The following ERC1 variants were observed in gnomAD, a reference collection of about 807,000 sequenced individuals.
ERC1 encodes ELKS/RAB6-interacting/CAST family member 1.
ERC1 carries 56 observed loss-of-function variants against 132.0 expected under a neutral mutation model. The ratio of observed to expected loss-of-function variants is 0.42; its 90% confidence interval spans 0.34 to 0.53. The LOEUF is 0.53. Ranked by LOEUF, ERC1 falls within the 20% of genes least tolerant of loss-of-function variation. The pLI is 0.03. For missense variants in ERC1, 1,202 were observed against 1,349.9 expected, an observed-to-expected ratio of 0.89 and a Z score of 1.72; for synonymous variants, 478 against 476.1, an observed-to-expected ratio of 1.00 and a Z score of -0.05.
chr12:1,236,214 G>A (rs999878183), intron 12 of ERC1, among the ~76,000 whole-genome samples: 1 of 152,028 alleles, frequency 6.6e-6, no homozygotes, highest in Non-Finnish European at 1.5e-5. Flanking sequence ...ATTAATGGAG[G>A]ATAGACCAAT....
At chr12:1,318,706 T>C (rs61913079) in intron 15 of ERC1, among the ~76,000 whole-genome samples, 31,755 of 152,068 alleles carry the variant, frequency 0.21, 3,853 homozygotes, top group Non-Finnish European at 0.27. Flanking sequence ...GACAGAAAAG[T>C]GAAACCCTGC....
Position 1,185,733 on chromosome 12 carries a change from T to TG in ERC1, c.2157+2312_2157+2313insG, listed in dbSNP as rs1243755528. On this transcript the variant is annotated intron_variant, in intron 11 of 18. Coordinates refer to ENST00000360905, the MANE Select transcript of ERC1 (RefSeq NM_178040.4). ...TCCCGAAATAGGAACTCTAGGTTGT[T>TG]TTTTTTTTTTTTTAATTTATATTGA... Among the ~76,000 whole-genome samples the TG allele has an allele frequency of 5.1e-5, 7 of 136,406 alleles. No homozygotes were observed. In the South Asian group the frequency reaches 1.1e-3, roughly 21 times the overall value. The allele number at this position is 136,406 out of a possible 152,430, so 89.5% of individuals were successfully genotyped here.
At chr12:1,315,618 G>C (rs1051877264) in intron 15 of ERC1, among the ~76,000 whole-genome samples, 3 of 152,076 alleles carry the variant, frequency 2.0e-5, no homozygotes, top group Non-Finnish European at 4.4e-5. Flanking sequence ...CGAGGTGGGC[G>C]GATCTACAGG....
At chr12:1,010,142 C>T (rs748527116) in intron 1 of ERC1, among the ~76,000 whole-genome samples, 2 of 152,032 alleles carry the variant, frequency 1.3e-5, no homozygotes, top group African/African-American at 2.4e-5. Context: ...TTCAGAGAAG[C>T]GTGGTAACCG....
chr12:1,436,120 C>T (rs2092940237), intron 17 of ERC1, among the ~76,000 whole-genome samples: 2 of 151,796 alleles, frequency 1.3e-5, no homozygotes, highest in African/African-American at 4.9e-5. Flanking sequence ...ACTGCCTCTG[C>T]CTGCTCCCCC....
At chr12:1,180,461 A>C in intron 8 of ERC1, 79 bp from the exon 9 acceptor site, 2 of 1,364,990 alleles carry the variant, frequency 1.5e-6, no homozygotes, top group South Asian at 2.5e-5. Context: ...ATCTGTTTTC[A>C]AATTGAAATG....
intron 15 of ERC1, among the ~76,000 whole-genome samples, chr12:1,359,532 G>A (rs900161207): frequency 6.6e-6 from 1 of 152,152 alleles, no homozygotes; most frequent in African/African-American, 2.4e-5. Flanking sequence ...AGGGCAAAGA[G>A]GGTAAGAGAA....
At chr12:1,414,486 T>C (rs1248542928) in intron 17 of ERC1, among the ~76,000 whole-genome samples, 1 of 152,192 alleles carries the variant, frequency 6.6e-6, no homozygotes, top group Non-Finnish European at 1.5e-5. Flanking sequence ...GATTAGGGTT[T>C]CAACATATGA....
chr12:1,258,603 T>G (rs900544257), intron 13 of ERC1, among the ~76,000 whole-genome samples: 1 of 145,922 alleles, frequency 6.9e-6, no homozygotes, highest in African/African-American at 2.4e-5. Context: ...CAACTGTCAC[T>G]TCTTCAACTC....
chr12:1,387,787 A>G (rs1447818985), intron 16 of ERC1, among the ~76,000 whole-genome samples: 1 of 152,182 alleles, frequency 6.6e-6, no homozygotes, highest in Non-Finnish European at 1.5e-5. Context: ...GAGTAAATTT[A>G]TGTTGTGTTT....
chr12:1,124,734 T>A (rs1947956861), intron 7 of ERC1, among the ~76,000 whole-genome samples: 1 of 152,000 alleles, frequency 6.6e-6, no homozygotes, highest in African/African-American at 2.4e-5. Context: ...CTCTTACAGA[T>A]GATAAAGGAG....
At chr12:1,020,076 A>G (rs1966112513) in intron 1 of ERC1, among the ~76,000 whole-genome samples, 1 of 152,096 alleles carries the variant, frequency 6.6e-6, no homozygotes. Flanking sequence ...TCATATTGTG[A>G]TCCAATATGC....
intron 3 of ERC1, among the ~76,000 whole-genome samples, chr12:1,084,626 T>TTGA (rs1244579047): frequency 2.6e-5 from 4 of 152,104 alleles, no homozygotes; most frequent in Non-Finnish European, 4.4e-5. Flanking sequence ...CTCAAAGTAT[T>TTGA]GTTACCTAGT....
intron 1 of ERC1, among the ~76,000 whole-genome samples, chr12:1,009,350 A>G (rs1964292365): frequency 6.6e-6 from 1 of 151,842 alleles, no homozygotes; most frequent in Non-Finnish European, 1.5e-5. Flanking sequence ...AATTTTTTGT[A>G]TTTTTAGTAG....
intron 8 of ERC1, among the ~76,000 whole-genome samples, chr12:1,179,390 C>A (rs544874553): frequency 3.9e-4 from 60 of 152,062 alleles, no homozygotes; most frequent in Middle Eastern, 3.4e-3. Context: ...ATAATAAAAT[C>A]TGTGCTCCTT....
intron 1 of ERC1, among the ~76,000 whole-genome samples, chr12:1,004,042 G>C (rs1267615726): frequency 6.6e-6 from 1 of 152,120 alleles, no homozygotes; most frequent in Non-Finnish European, 1.5e-5. Context: ...AGCTTCTAAG[G>C]AAGATAGGGA....
At chr12:1,193,486 A>C (rs1334939009) in intron 12 of ERC1, among the ~76,000 whole-genome samples, 2 of 151,998 alleles carry the variant, frequency 1.3e-5, no homozygotes, top group Non-Finnish European at 2.9e-5. Context: ...ATATACACAC[A>C]TATATAAACA....
At chr12:1,314,341 T>C (rs1366652647) in intron 15 of ERC1, among the ~76,000 whole-genome samples, 1 of 152,104 alleles carries the variant, frequency 6.6e-6, no homozygotes, top group Non-Finnish European at 1.5e-5. Flanking sequence ...GCCTCACTTA[T>C]GACAAAAGAA....
chr12:1,366,289 G>A (rs1277404848), intron 15 of ERC1, among the ~76,000 whole-genome samples: 1 of 152,164 alleles, frequency 6.6e-6, no homozygotes, highest in Non-Finnish European at 1.5e-5. Flanking sequence ...AATCAATTTT[G>A]AAGAGGTAAA....
Sources: allele counts gnomAD v4.1 joint callset (sites outside exome capture counted in the v4.1 genomes callset), GRCh38; gene constraint gnomAD v4.1.1; transcripts MANE v1.5; gene names NCBI Gene and HGNC (gene_info 2026-07-23, HGNC 2026-07-21).